The following KCNIP3 variants were observed in gnomAD, a reference collection of about 807,000 sequenced individuals.
KCNIP3 encodes the protein calsenilin.
A neutral mutation model predicts 35.0 loss-of-function variants in KCNIP3; 28 were observed. The ratio of observed to expected loss-of-function variants is 0.80; its 90% CI spans 0.59 to 1.10. The LOEUF is 1.10. Ranked by LOEUF, KCNIP3 falls within the 50% of genes least tolerant of loss-of-function variation. The pLI is 0.00. For synonymous variants in KCNIP3, 134 were observed against 133.8 expected, an observed-to-expected ratio of 1.00 and a Z score of -0.01; for missense variants, 295 against 338.4, an observed-to-expected ratio of 0.87 and a Z score of 1.01.
At chr2:95,373,205 G>A (rs922523648) in intron 2 of KCNIP3, among the ~76,000 whole-genome samples, 4 of 152,202 alleles carry the variant, frequency 2.6e-5, no homozygotes, top group African/African-American at 2.4e-5. Context: ...GGAAGGTGGC[G>A]CTCTGTAATT....
intron 2 of KCNIP3, among the ~76,000 whole-genome samples, chr2:95,339,796 A>C: frequency 6.6e-6 from 1 of 152,054 alleles, no homozygotes; most frequent in East Asian, 1.9e-4. Context: ...ACTTGATCTC[A>C]TCTCTTTCCT....
At chr2:95,341,043 G>A (rs765713431) in intron 2 of KCNIP3, among the ~76,000 whole-genome samples, 3 of 152,200 alleles carry the variant, frequency 2.0e-5, no homozygotes, top group African/African-American at 4.8e-5. Flanking sequence ...CTGATTCAAC[G>A]GTGGTATGGT....
intron 2 of KCNIP3, among the ~76,000 whole-genome samples, chr2:95,332,658 T>C (rs1434058424): frequency 6.6e-6 from 1 of 152,248 alleles, no homozygotes; most frequent in Non-Finnish European, 1.5e-5. Flanking sequence ...GAAAGGTATT[T>C]TGTGGGCAAA....
At chr2:95,361,335 T>C (rs1321546015) in intron 2 of KCNIP3, among the ~76,000 whole-genome samples, 3 of 152,196 alleles carry the variant, frequency 2.0e-5, no homozygotes, top group Admixed American at 6.5e-5. Context: ...CTAGGAACTC[T>C]GGCTTCTTCA....
chr2:95,378,263 C>T lies in KCNIP3; in HGVS notation c.447+3055C>T, dbSNP rs905071313. Among the ~76,000 whole-genome samples, 29 of 152,198 alleles carry T rather than the reference C, an allele frequency of 1.9e-4. No individual in the cohort carries two copies. The highest frequency in any genetic ancestry group is 5.5e-4 in the African/African-American group (23 of 41,534). On this transcript the variant is annotated intron_variant, in intron 5 of 8. Coordinates refer to ENST00000295225, the MANE Select transcript of KCNIP3 (RefSeq NM_013434.5). The surrounding 1 kb of genome is among the most constrained non-coding windows in gnomAD (Gnocchi z 4.0). ...CCAGCCTCCCGAGTACCTGGGACTG[C>T]GGGTGCATGCCACCATGCCCAGCTA...
At chr2:95,318,120 C>T (rs1003238002) in intron 2 of KCNIP3, among the ~76,000 whole-genome samples, 1 of 152,074 alleles carries the variant, frequency 6.6e-6, no homozygotes, top group Non-Finnish European at 1.5e-5. Flanking sequence ...TCTTTGCAGC[C>T]CACCCCTCCC....
At chr2:95,333,543 C>T (rs1388576084) in intron 2 of KCNIP3, among the ~76,000 whole-genome samples, 1 of 152,184 alleles carries the variant, frequency 6.6e-6, no homozygotes, top group African/African-American at 2.4e-5. Context: ...CCAGAGACTC[C>T]TCAGAGCACG....
intron 4 of KCNIP3, 46 bp from the exon 5 acceptor site, chr2:95,375,092 G>T (rs770719045): frequency 1.3e-6 from 2 of 1,589,786 alleles, no homozygotes; most frequent in Non-Finnish European, 1.7e-6. Flanking sequence ...GAGATGAGCC[G>T]CCAGGCAGCC....
chr2:95,353,929 C>T (rs542463008), intron 2 of KCNIP3, among the ~76,000 whole-genome samples: 1 of 152,334 alleles, frequency 6.6e-6, no homozygotes, highest in African/African-American at 2.4e-5. Context: ...GGTTACAGGC[C>T]AGGGGTGCTG....
At chr2:95,356,642 A>G (rs1173053644) in intron 2 of KCNIP3, among the ~76,000 whole-genome samples, 1 of 152,136 alleles carries the variant, frequency 6.6e-6, no homozygotes, top group African/African-American at 2.4e-5. Context: ...CAGGTTTGTC[A>G]AAGATCAGAT....
chr2:95,315,982 G>A (rs576523186), intron 2 of KCNIP3, among the ~76,000 whole-genome samples: 1 of 152,308 alleles, frequency 6.6e-6, no homozygotes, highest in South Asian at 2.1e-4. Context: ...TGGGTGTTTC[G>A]GGGCTCATGG....
At chr2:95,330,038 C>T (rs1678887517) in intron 2 of KCNIP3, among the ~76,000 whole-genome samples, 1 of 152,218 alleles carries the variant, frequency 6.6e-6, no homozygotes, top group Non-Finnish European at 1.5e-5. Context: ...CTAGGAGGGA[C>T]TCAGGACGTC....
chr2:95,346,806 C>A (rs1679382705), intron 2 of KCNIP3: 1 of 188,768 alleles, frequency 5.3e-6, no homozygotes, highest in African/African-American at 2.4e-5. Flanking sequence ...GCGTCCGGTC[C>A]CCGCGTCCAG....
Position 95,324,897 on chromosome 2 carries a change from T to C in KCNIP3, c.181+14377T>C, listed in dbSNP as rs374744603. ...CTGCACTCCAGCCTGGGTGACAGAG[T>C]GAGACTCTGTCTCAAAAACAAGACA... On this transcript the variant is annotated intron_variant, in intron 2 of 8. Transcript: ENST00000295225. Among the ~76,000 whole-genome samples the C allele has an allele frequency of 4.6e-5, 7 of 151,966 alleles. No individual in the cohort carries two copies. The East Asian group carries it at 1.4e-3, about 30-fold the overall frequency.
chr2:95,355,741 A>G (rs1447646547), intron 2 of KCNIP3, among the ~76,000 whole-genome samples: 1 of 152,142 alleles, frequency 6.6e-6, no homozygotes, highest in African/African-American at 2.4e-5. Context: ...AATCCAGTCT[A>G]TCATTGATGG....
chr2:95,371,852 T>TGGA (rs1364170891), intron 2 of KCNIP3, among the ~76,000 whole-genome samples: 3 of 150,954 alleles, frequency 2.0e-5, no homozygotes, highest in Non-Finnish European at 2.9e-5. Flanking sequence ...TCACCCAGGC[T>TGGA]GGAGTGTAAT....
At chr2:95,360,131 A>G (rs1415841970) in intron 2 of KCNIP3, among the ~76,000 whole-genome samples, 1 of 151,248 alleles carries the variant, frequency 6.6e-6, no homozygotes, top group Non-Finnish European at 1.5e-5. Flanking sequence ...ATCCCAGTTC[A>G]TCACTCTTAA....
At chr2:95,364,560 T>A (rs1229775264) in intron 2 of KCNIP3, among the ~76,000 whole-genome samples, 1 of 152,140 alleles carries the variant, frequency 6.6e-6, no homozygotes, top group Non-Finnish European at 1.5e-5. Context: ...CGGGCGCGGA[T>A]CCCTCCTGAA....
chr2:95,309,470 C>T (rs1678259319), intron 1 of KCNIP3, among the ~76,000 whole-genome samples: 1 of 148,074 alleles, frequency 6.8e-6, no homozygotes, highest in Non-Finnish European at 1.5e-5. Flanking sequence ...GTTGGCCTTG[C>T]TGGAGTGCAG....
Sources: allele counts gnomAD v4.1 joint callset (sites outside exome capture counted in the v4.1 genomes callset), GRCh38; gene constraint gnomAD v4.1.1; non-coding constraint Gnocchi (gnomAD v3.1); transcripts MANE v1.5; gene names NCBI Gene and HGNC (gene_info 2026-07-23, HGNC 2026-07-21).